HPSE2: variants seen among roughly 807,000 people sequenced by gnomAD.
HPSE2 encodes the protein heparanase 2 (inactive).
A neutral mutation model predicts 60.5 loss-of-function variants in HPSE2; 38 were observed. The ratio of observed to expected loss-of-function variants is 0.63; its 90% CI spans 0.48 to 0.82. HPSE2 has a LOEUF of 0.82. HPSE2 is among the 40% of genes least tolerant of loss of function. The probability of loss-of-function intolerance (pLI) is 0.00; values close to 1 mark genes in which losing one functional copy is unlikely to be tolerated. For synonymous variants in HPSE2, 295 were observed against 293.2 expected, an observed-to-expected ratio of 1.01 and a Z score of -0.06; for missense variants, 713 against 740.4, an observed-to-expected ratio of 0.96 and a Z score of 0.43.
rs181960955 is a variant in HPSE2, at chr10:98,833,554, A to G, written c.611-89498T>C. Among the ~76,000 whole-genome samples, 261 of 152,326 alleles carry G rather than the reference A, an allele frequency of 1.7e-3. 1 individual carries two copies. Among genetic ancestry groups the G allele is most frequent in the Admixed American group, 3.5e-3 (54 of 15,310 alleles). On this transcript the variant is annotated intron_variant, in intron 3 of 11. Coordinates refer to ENST00000370552, the MANE Select transcript of HPSE2 (RefSeq NM_021828.5). Reference sequence around the variant, plus strand: ...CCAAACATTTTACATGTACTACACTAGTTCATTTAATACTTAACATAATCC... The same window carrying G: ...CCAAACATTTTACATGTACTACACTGGTTCATTTAATACTTAACATAATCC...
intron 9 of HPSE2, among the ~76,000 whole-genome samples, chr10:98,530,474 T>C: frequency 6.6e-6 from 1 of 152,326 alleles, no homozygotes; most frequent in East Asian, 1.9e-4. Context: ...TTGAGAACTG[T>C]TACTTCAATG....
intron 3 of HPSE2, among the ~76,000 whole-genome samples, chr10:99,102,320 A>G (rs1844034843): frequency 6.6e-6 from 1 of 152,214 alleles, no homozygotes; most frequent in African/African-American, 2.4e-5. Context: ...ATCCCACAGA[A>G]ATACAAACTA....
intron 11 of HPSE2, among the ~76,000 whole-genome samples, chr10:98,470,567 C>T (rs1212987856): frequency 6.6e-6 from 1 of 152,226 alleles, no homozygotes; most frequent in Non-Finnish European, 1.5e-5. Context: ...TTAAGGCTTA[C>T]ATTTCTTCAT....
chr10:99,235,647 A>G lies in HPSE2; in HGVS notation c.156T>C (p.Ala52=). ...TCAGGGTCTTTTCCTTCAAACCTGC[A>G]GCTCTGTCTACAGGCAAGGGTCTCC... The part of the protein sequence containing the change: ...GDRRPLPVDR[A]AGLKEKTLIL... Residue 52 remains alanine, a synonymous_variant, in exon 1 of 12, where the codon GCT becomes GCC. Coordinates refer to ENST00000370552, the MANE Select transcript of HPSE2 (RefSeq NM_021828.5). The G allele has an allele frequency of 1.2e-6, 2 of 1,614,044 alleles. No homozygotes were observed. The highest frequency in any genetic ancestry group is 1.7e-6 in the Non-Finnish European group (2 of 1,180,012).
intron 3 of HPSE2, among the ~76,000 whole-genome samples, chr10:98,777,152 TGAAG>T (rs565560664): frequency 3.3e-4 from 51 of 152,286 alleles, no homozygotes; most frequent in African/African-American, 1.2e-3. Context: ...AAAAACAACT[TGAAG>T]TTCCGGGAGA....
chr10:99,003,627 C>A (rs768344831), intron 3 of HPSE2, among the ~76,000 whole-genome samples: 5 of 152,062 alleles, frequency 3.3e-5, no homozygotes, highest in Non-Finnish European at 7.4e-5. Flanking sequence ...ATTTTTATAG[C>A]TTCTTTTGAG....
At chr10:98,473,648 T>C (rs1238205369) in intron 11 of HPSE2, among the ~76,000 whole-genome samples, 3 of 152,134 alleles carry the variant, frequency 2.0e-5, no homozygotes, top group African/African-American at 7.2e-5. Context: ...TGAGGAATGG[T>C]TGAAGGATCT....
At chr10:98,741,727 TATTTTTACAAGAAAACCAA>T (rs1296893234) in intron 4 of HPSE2, among the ~76,000 whole-genome samples, 1 of 152,210 alleles carries the variant, frequency 6.6e-6, no homozygotes, top group African/African-American at 2.4e-5. Flanking sequence ...GGCAGCACAA[TATTTTTACAAGAAAACCAA>T]ACAAAGCCTT....
At chr10:98,923,644 C>T (rs1954353799) in intron 3 of HPSE2, among the ~76,000 whole-genome samples, 1 of 151,506 alleles carries the variant, frequency 6.6e-6, no homozygotes, top group African/African-American at 2.4e-5. Flanking sequence ...TCTCTAGGCT[C>T]ACTAATTCTT....
chr10:99,236,653 A>C (rs77070616), upstream of HPSE2, among the ~76,000 whole-genome samples: 20 of 152,228 alleles, frequency 1.3e-4, no homozygotes, highest in East Asian at 3.1e-3. Context: ...AAGAAGGAAA[A>C]ACATAGTGAC....
At chr10:98,959,300 C>T (rs1283018120) in intron 3 of HPSE2, among the ~76,000 whole-genome samples, 1 of 148,268 alleles carries the variant, frequency 6.7e-6, no homozygotes, top group Non-Finnish European at 1.5e-5. Flanking sequence ...CTAATAATTT[C>T]ACATTCCCCA....
At chr10:99,135,725 C>T (rs1438965690) in intron 3 of HPSE2, among the ~76,000 whole-genome samples, 1 of 152,108 alleles carries the variant, frequency 6.6e-6, no homozygotes, top group East Asian at 1.9e-4. Context: ...ATTTATAACA[C>T]TAAATGCCCA....
chr10:98,720,565 T>C (rs916846264), intron 5 of HPSE2, among the ~76,000 whole-genome samples: 1 of 152,092 alleles, frequency 6.6e-6, no homozygotes, highest in African/African-American at 2.4e-5. Flanking sequence ...TGGCAACAAA[T>C]ATAAAAGCCA....
At chr10:99,023,595 T>C (rs1410260574) in intron 3 of HPSE2, among the ~76,000 whole-genome samples, 2 of 152,118 alleles carry the variant, frequency 1.3e-5, no homozygotes, top group Non-Finnish European at 2.9e-5. Flanking sequence ...ATAGTAATGG[T>C]GGCAACAGAG....
intron 3 of HPSE2, among the ~76,000 whole-genome samples, chr10:98,764,592 G>A (rs1950077992): frequency 1.3e-5 from 2 of 152,170 alleles, no homozygotes. Flanking sequence ...GGTGGCTCAC[G>A]CCTGTAATCC....
chr10:99,235,148 T>C (rs1245339671), intron 1 of HPSE2, among the ~76,000 whole-genome samples: 1 of 151,886 alleles, frequency 6.6e-6, no homozygotes, highest in Non-Finnish European at 1.5e-5. Flanking sequence ...CTTTCAGCTC[T>C]TTGTTGTTTG....
At chr10:99,104,552 C>T (rs1268546294) in intron 3 of HPSE2, among the ~76,000 whole-genome samples, 2 of 152,092 alleles carry the variant, frequency 1.3e-5, no homozygotes, top group Admixed American at 1.3e-4. Flanking sequence ...CTCAGCCATC[C>T]CATTATTGGG....
At chr10:99,314,966 G>T in the HPSE2 span, among the ~76,000 whole-genome samples, 4 of 152,278 alleles carry the variant, frequency 2.6e-5, no homozygotes, top group Admixed American at 6.5e-5. Flanking sequence ...AACTGAAAAA[G>T]ATTTGTTGCT....
chr10:98,930,310 T>C lies in HPSE2; in HGVS notation c.611-186254A>G, dbSNP rs1281294598. Among the ~76,000 whole-genome samples, 5 of 144,252 alleles carry C rather than the reference T, an allele frequency of 3.5e-5. 1 individual carries two copies. The highest frequency in any genetic ancestry group is 1.1e-4 in the African/African-American group (4 of 35,542). The allele number at this position is 144,252 out of a possible 152,430, so 94.6% of individuals were successfully genotyped here. On this transcript the variant is annotated intron_variant, in intron 3 of 11. Transcript: ENST00000370552. ...TTAATCTATGTTCCTGTAAAGGACATGATTTCATTACCTTTTATGGCTGCA... is the reference window on the plus strand; with the variant it reads ...TTAATCTATGTTCCTGTAAAGGACACGATTTCATTACCTTTTATGGCTGCA...
Sources: gnomAD v4.1 joint callset for allele counts (sites outside exome capture counted in the v4.1 genomes callset) on GRCh38, gnomAD v4.1.1 for gene constraint, MANE v1.5 for transcripts, NCBI Gene and HGNC (gene_info 2026-07-23, HGNC 2026-07-21) for gene names.